SLC25A48: variants seen among roughly 807,000 people sequenced by gnomAD.
SLC25A48 encodes solute carrier family 25 member 48.
Under a neutral mutation model 32.2 loss-of-function variants are expected in SLC25A48, and 29 were observed. That is an observed-to-expected ratio of 0.90 (90% CI 0.67 to 1.23). The LOEUF is 1.23. Among genes scored for constraint, SLC25A48 ranks in the 50% most tolerant of loss-of-function variants. The probability of loss-of-function intolerance (pLI) is 0.00; values close to 1 mark genes in which losing one functional copy is unlikely to be tolerated. For missense variants in SLC25A48, 399 were observed against 422.7 expected, an observed-to-expected ratio of 0.94 and a Z score of 0.49; for synonymous variants, 164 against 172.3, an observed-to-expected ratio of 0.95 and a Z score of 0.38.
chr5:135,683,485 G>C (rs1049347059), intron 3 of SLC25A48, among the ~76,000 whole-genome samples: 1 of 146,524 alleles, frequency 6.8e-6, no homozygotes, highest in Non-Finnish European at 1.5e-5. Context: ...GTATTTATAA[G>C]TGGGATAAGG....
At chr5:135,711,010 C>T (rs1754643417) in intron 3 of SLC25A48, among the ~76,000 whole-genome samples, 1 of 152,132 alleles carries the variant, frequency 6.6e-6, no homozygotes, top group Non-Finnish European at 1.5e-5. Flanking sequence ...TTACATGGCA[C>T]TTAGAAGCCT....
chr5:135,727,168 CATATATAGCCACAGGCTATATATATAT>C lies in SLC25A48; in HGVS notation c.-520-85347_-520-85321del, dbSNP rs1345938815. Among the ~76,000 whole-genome samples, 12 of 133,454 alleles carry C rather than the reference CATATATAGCCACAGGCTATATATATAT, an allele frequency of 9.0e-5. No individual in the cohort carries two copies. The East Asian group carries it at 2.7e-3, about 30-fold the overall frequency. 87.6% of individuals were successfully genotyped at this position (133,454 alleles called of 152,430 possible). A position where few individuals can be genotyped will look rare whatever the true frequency, so the allele number is the denominator to read the frequency against. On this transcript the variant is annotated intron_variant, in intron 3 of 10. Coordinates refer to the SLC25A48 transcript ENST00000646290. ...TTGAATTTTTTTTTACTGTTTTTTA[CATATATAGCCACAGGCTATATATATAT>C]ATATATATACGTGTGTATAGTAAAA...
At chr5:135,620,410 C>T (rs1481716151) in intron 1 of SLC25A48, among the ~76,000 whole-genome samples, 2 of 152,124 alleles carry the variant, frequency 1.3e-5, no homozygotes, top group African/African-American at 4.8e-5. Flanking sequence ...GGGTGATCCC[C>T]AGGCTATAAG....
chr5:135,867,263 G>C (rs916023933), intron 4 of SLC25A48, among the ~76,000 whole-genome samples: 1 of 152,222 alleles, frequency 6.6e-6, no homozygotes, highest in Admixed American at 6.5e-5. Context: ...GCAGTTTCCT[G>C]TGAGCTGTGT....
At chr5:135,738,732 C>G (rs972825883) in intron 3 of SLC25A48, among the ~76,000 whole-genome samples, 14 of 152,174 alleles carry the variant, frequency 9.2e-5, no homozygotes, top group African/African-American at 2.9e-4. Flanking sequence ...TCCTGAAACA[C>G]CCAGTGCTGA....
At chr5:135,871,174 C>T (rs981683771) in intron 4 of SLC25A48, among the ~76,000 whole-genome samples, 1 of 151,900 alleles carries the variant, frequency 6.6e-6, no homozygotes, top group African/African-American at 2.4e-5. Flanking sequence ...TGATTCTAGA[C>T]ATTCTGAAGT....
At chr5:135,655,027 G>T (rs1483609687) in intron 3 of SLC25A48, among the ~76,000 whole-genome samples, 1 of 152,206 alleles carries the variant, frequency 6.6e-6, no homozygotes, top group Non-Finnish European at 1.5e-5. Context: ...GCGGAAGCTG[G>T]GGGACCTAGC....
exon 1 of SLC25A48, chr5:135,579,530 A>G (rs1010291923): frequency 6.6e-6 from 1 of 152,426 alleles, no homozygotes; most frequent in Non-Finnish European, 1.5e-5. Context: ...AGTTCTGGAC[A>G]GGGGCTTGTC....
intron 3 of SLC25A48, among the ~76,000 whole-genome samples, chr5:135,696,427 T>C (rs1225037419): frequency 1.3e-5 from 2 of 152,250 alleles, no homozygotes; most frequent in East Asian, 3.9e-4. Flanking sequence ...ACACAGTAGG[T>C]GTGAAGGAAG....
intron 1 of SLC25A48, among the ~76,000 whole-genome samples, chr5:135,606,644 G>A (rs1342004611): frequency 6.6e-6 from 1 of 152,154 alleles, no homozygotes; most frequent in Non-Finnish European, 1.5e-5. Context: ...CAGCTCCTTT[G>A]TCTCTGAAAT....
intron 3 of SLC25A48, among the ~76,000 whole-genome samples, chr5:135,764,476 T>C (rs1326296434): frequency 6.6e-6 from 1 of 151,802 alleles, no homozygotes; most frequent in Non-Finnish European, 1.5e-5. Flanking sequence ...CCCACTGTGA[T>C]ATGGTTCATG....
chr5:135,672,669 T>G (rs949670406), intron 3 of SLC25A48, among the ~76,000 whole-genome samples: 2 of 152,190 alleles, frequency 1.3e-5, no homozygotes, highest in African/African-American at 2.4e-5. Context: ...CATCCCCTGT[T>G]TTTTTCGTAG....
At chr5:135,702,254 T>G (rs1231631776) in intron 3 of SLC25A48, among the ~76,000 whole-genome samples, 2 of 152,242 alleles carry the variant, frequency 1.3e-5, no homozygotes, top group Non-Finnish European at 2.9e-5. Flanking sequence ...AATGGGTCTT[T>G]GCAGGTGTAA....
intron 3 of SLC25A48, among the ~76,000 whole-genome samples, chr5:135,723,323 TA>T (rs1322675714): frequency 5.9e-5 from 9 of 151,718 alleles, no homozygotes; most frequent in African/African-American, 2.2e-4. Flanking sequence ...GAGCTGAAAC[TA>T]TTCTGAATGG....
At chr5:135,650,662 G>C (rs994477860) in intron 3 of SLC25A48, 8 of 321,146 alleles carry the variant, frequency 2.5e-5, no homozygotes, top group Non-Finnish European at 4.9e-5. Flanking sequence ...AATGAGAGAA[G>C]GTGCTCATTT....
At chr5:135,742,963 T>TCCCCCCCCCC (rs1755536211) in intron 3 of SLC25A48, among the ~76,000 whole-genome samples, 1 of 6,260 alleles carries the variant, frequency 1.6e-4, no homozygotes, top group Non-Finnish European at 3.1e-4. Context: ...GACCTCCCCC[T>TCCCCCCCCCC]CCCCCTCCCC....
intron 3 of SLC25A48, among the ~76,000 whole-genome samples, chr5:135,756,598 G>T (rs2127013458): frequency 6.6e-6 from 1 of 152,234 alleles, no homozygotes; most frequent in South Asian, 2.1e-4. Flanking sequence ...TTGAACCCAG[G>T]AGGCGAAGGT....
Position 135,888,307 on chromosome 5 carries a change from G to GAGAA in SLC25A48, c.*284_*285insGAAA. The GAGAA allele has an allele frequency of 2.2e-6, 1 of 463,964 alleles. No homozygotes were observed. The highest frequency in any genetic ancestry group is 3.9e-6 in the Non-Finnish European group (1 of 257,922). The allele number at this position is 463,964 out of a possible 1,614,324, so 28.7% of individuals were successfully genotyped here. On this transcript the variant is annotated 3_prime_UTR_variant, in exon 8 of 8. Transcript: ENST00000681962. ...ATGTTTGGTCCAGCTGAGAAGTCCT[G>GAGAA]ACCATGAGCACCAGGGAGCCAGAAA...
chr5:135,605,505 C>A (rs1163770550), intron 1 of SLC25A48, among the ~76,000 whole-genome samples: 1 of 152,186 alleles, frequency 6.6e-6, no homozygotes, highest in Non-Finnish European at 1.5e-5. Flanking sequence ...TGGGTTGTCT[C>A]CAGCTCCTGC....
Sources: gnomAD v4.1 joint callset for allele counts (sites outside exome capture counted in the v4.1 genomes callset) on GRCh38, gnomAD v4.1.1 for gene constraint, MANE v1.5 for transcripts, NCBI Gene and HGNC (gene_info 2026-07-23, HGNC 2026-07-21) for gene names.